Variants in LAMC1 observed in about 807,000 individuals in gnomAD.
The protein encoded by LAMC1 is laminin subunit gamma-1.
LAMC1 carries 38 observed loss-of-function variants against 173.6 expected under a neutral mutation model. The ratio of observed to expected loss-of-function variants is 0.22; its 90% CI spans 0.17 to 0.29. The LOEUF (loss-of-function observed/expected upper bound fraction) is 0.29, where lower values mean the gene tolerates loss of function less well. Among genes scored for constraint, LAMC1 ranks in the 10% least tolerant of loss-of-function variants. The pLI, the probability that LAMC1 is intolerant of heterozygous loss-of-function variation, is 1.00. For missense variants in LAMC1, 1,824 were observed against 2,051.8 expected (o/e 0.89, Z 2.14); for synonymous variants, 746 against 749.1 (o/e 1.00, Z 0.07).
At position 183,135,989 on chromosome 1, in the gene LAMC1, T is replaced by G. The variant is rs187912952; in HGVS notation, c.4115-397T>G. 1.4e-3 allele frequency among the ~76,000 whole-genome samples: 220 copies of G among 152,184 alleles called. 1 individual carries two copies. Among genetic ancestry groups the G allele is most frequent in the African/African-American group, 5.1e-3 (213 of 41,530 alleles). On this transcript the variant is annotated intron_variant, in intron 24 of 27. Transcript: ENST00000258341. The stretch of plus-strand genomic sequence containing the variant: ...CACCCTGCACCACAGGTCATGTAAC[T>G]TCTTTAATCCTCAATTTTCTTATAA...
intron 1 of LAMC1, among the ~76,000 whole-genome samples, chr1:183,036,940 T>A (rs1187249082): frequency 1.3e-5 from 2 of 152,112 alleles, no homozygotes; most frequent in African/African-American, 2.4e-5. Context: ...CACGCCCGGC[T>A]AATTTTTGTA....
chr1:183,086,680 AT>A (rs1477371360), intron 1 of LAMC1, among the ~76,000 whole-genome samples: 1 of 152,208 alleles, frequency 6.6e-6, no homozygotes, highest in African/African-American at 2.4e-5. Flanking sequence ...TTCATTGCAA[AT>A]TATTTTAACA....
Position 183,024,062 on chromosome 1 carries a change from A to T in LAMC1, c.346A>T (p.Thr116Ser), listed in dbSNP as rs754181049. ...LTDYNNQADT[T>S]WWQSQTMLAG... is the part of the protein sequence containing the mutation. ...CGACTACAACAACCAGGCCGACACC[A>T]CCTGGTGGCAAAGCCAGACCATGCT... Residue 116 changes from threonine to serine, a missense_variant, in exon 1 of 28, where the codon ACC becomes TCC. Coordinates refer to ENST00000258341, the MANE Select transcript of LAMC1 (RefSeq NM_002293.4). 1.2e-6 allele frequency: 2 copies of T among 1,611,870 alleles called. No individual in the cohort carries two copies. The highest frequency in any genetic ancestry group is 4.5e-5 in the East Asian group (2 of 44,796).
At chr1:183,035,791 C>G (rs1430717814) in intron 1 of LAMC1, among the ~76,000 whole-genome samples, 1 of 152,126 alleles carries the variant, frequency 6.6e-6, no homozygotes, top group Non-Finnish European at 1.5e-5. Flanking sequence ...GAGATGTTAC[C>G]TGTAACCAGA....
rs1558053956 is a variant in LAMC1 at position 183,118,264 on chromosome 1, C to T, written c.1990+118C>T. 5 of 563,212 alleles carry T rather than the reference C, an allele frequency of 8.9e-6. No homozygotes were observed. The Admixed American group carries it at 1.4e-4, about 15-fold the overall frequency. 34.9% of individuals were successfully genotyped at this position (563,212 alleles called of 1,614,324 possible). On this transcript the variant is annotated intron_variant, in intron 11 of 27. Coordinates refer to ENST00000258341, the MANE Select transcript of LAMC1 (RefSeq NM_002293.4). The stretch of plus-strand genomic sequence containing the variant: ...TAACACTGAGAAGTGTATAACAACT[C>T]ACATTATACATGAATTATATATAAA...
chr1:183,118,692 C>T (rs1473608627), intron 11 of LAMC1, among the ~76,000 whole-genome samples: 1 of 150,308 alleles, frequency 6.7e-6, no homozygotes, highest in Non-Finnish European at 1.5e-5. Context: ...CACTGCATTC[C>T]AGCCTGGGCG....
At chr1:183,142,271 G>A (rs530712508) in intron 27 of LAMC1, among the ~76,000 whole-genome samples, 115 of 152,336 alleles carry the variant, frequency 7.5e-4, no homozygotes, top group African/African-American at 2.6e-3. Context: ...GAAACATTCT[G>A]CAAAAACCAT....
chr1:183,115,806 A>G (rs1260147706), intron 6 of LAMC1, among the ~76,000 whole-genome samples, 169 bp downstream of exon 6: 1 of 152,242 alleles, frequency 6.6e-6, no homozygotes, highest in African/African-American at 2.4e-5. Context: ...TGGCTTGTAC[A>G]GAGAGTAAGC....
intron 1 of LAMC1, among the ~76,000 whole-genome samples, chr1:183,094,580 T>A (rs561581780): frequency 5.7e-4 from 86 of 152,206 alleles, no homozygotes; most frequent in Non-Finnish European, 7.5e-4. Context: ...AATGGAAGAA[T>A]TTGGACTTGA....
intron 4 of LAMC1, among the ~76,000 whole-genome samples, chr1:183,110,924 A>G (rs1656130443): frequency 1.3e-5 from 2 of 152,112 alleles, no homozygotes; most frequent in Non-Finnish European, 2.9e-5. Context: ...TTTGGATCCA[A>G]ATACTGGGCC....
intron 25 of LAMC1, among the ~76,000 whole-genome samples, chr1:183,137,320 A>C (rs922732017): frequency 5.3e-5 from 8 of 152,334 alleles, no homozygotes; most frequent in South Asian, 2.1e-4. Context: ...GAAAGCATCT[A>C]ATCAATATGA....
chr1:183,134,625 A>G, intron 22 of LAMC1, 35 bp from the exon 23 acceptor site: 1 of 1,567,590 alleles, frequency 6.4e-7, no homozygotes. Flanking sequence ...TAAATGTTTT[A>G]TCCAAAGTGT....
intron 1 of LAMC1, among the ~76,000 whole-genome samples, chr1:183,074,921 T>C (rs1196820974): frequency 6.6e-6 from 1 of 152,122 alleles, no homozygotes; most frequent in Non-Finnish European, 1.5e-5. Flanking sequence ...CTTCATCTCA[T>C]TTAGTTTTTA....
chr1:183,109,858 C>T (rs1656094059), intron 3 of LAMC1, among the ~76,000 whole-genome samples: 2 of 152,144 alleles, frequency 1.3e-5, no homozygotes, highest in African/African-American at 2.4e-5. Flanking sequence ...GGGATTCTTG[C>T]TCCAGACAAC....
chr1:183,058,020 A>T (rs1654641442), intron 1 of LAMC1, among the ~76,000 whole-genome samples: 1 of 152,174 alleles, frequency 6.6e-6, no homozygotes, highest in African/African-American at 2.4e-5. Flanking sequence ...ATCTCTTTTT[A>T]AAAATAAACC....
At chr1:183,117,208 G>T in intron 8 of LAMC1, 112 bp from the exon 9 acceptor site, 2 of 1,147,400 alleles carry the variant, frequency 1.7e-6, no homozygotes, top group South Asian at 1.5e-5. Context: ...AAGGTTTATT[G>T]ATGCCTTTCT....
chr1:183,132,345 T>C, intron 20 of LAMC1, 55 bp from the exon 21 acceptor site: 1 of 1,350,972 alleles, frequency 7.4e-7, no homozygotes, highest in East Asian at 2.4e-5. Flanking sequence ...TGAATTTTAC[T>C]TATGTCCCTA....
At chr1:183,067,265 T>C (rs1654898910) in intron 1 of LAMC1, among the ~76,000 whole-genome samples, 1 of 152,138 alleles carries the variant, frequency 6.6e-6, no homozygotes, top group South Asian at 2.1e-4. Flanking sequence ...TTAAAAAAAA[T>C]CTTTCATCTG....
At position 183,049,219 on chromosome 1, in the gene LAMC1, A is replaced by G. The variant is rs966007367; in HGVS notation, c.418+25085A>G. Reference sequence around the variant, plus strand: ...GAATCATCTTAATATTTTTCTTGGTAAAATGCCATCTATAGCATCCCCAGG... The same window carrying G: ...GAATCATCTTAATATTTTTCTTGGTGAAATGCCATCTATAGCATCCCCAGG... On this transcript the variant is annotated intron_variant, in intron 1 of 27. Coordinates refer to ENST00000258341, the MANE Select transcript of LAMC1 (RefSeq NM_002293.4). Among the ~76,000 whole-genome samples, 6 of 152,354 alleles carry G rather than the reference A, an allele frequency of 3.9e-5. No homozygotes were observed. The East Asian group carries it at 1.2e-3, about 29-fold the overall frequency.
Sources: allele counts gnomAD v4.1 joint callset (sites outside exome capture counted in the v4.1 genomes callset), GRCh38; gene constraint gnomAD v4.1.1; transcripts MANE v1.5; gene names NCBI Gene and HGNC (gene_info 2026-07-23, HGNC 2026-07-21).